The following LHPP variants were observed in gnomAD, a reference collection of about 807,000 sequenced individuals.
LHPP encodes phospholysine phosphohistidine inorganic pyrophosphate phosphatase.
A neutral mutation model predicts 30.3 loss-of-function variants in LHPP; 24 were observed. The observed-to-expected ratio is 0.79, with a 90% CI of 0.57 to 1.11. LHPP has a LOEUF of 1.11. LHPP is among the 50% of genes most tolerant of loss of function. The pLI is 0.00. For synonymous variants in LHPP, 150 were observed against 157.1 expected, an observed-to-expected ratio of 0.95 and a Z score of 0.34; for missense variants, 356 against 367.2, an observed-to-expected ratio of 0.97 and a Z score of 0.25.
chr10:124,541,858 C>T lies in LHPP; in HGVS notation c.716+24587C>T, dbSNP rs79907029. Among the ~76,000 whole-genome samples, 2 of 152,110 alleles carry T rather than the reference C, an allele frequency of 1.3e-5. No individual in the cohort carries two copies. The highest frequency in any genetic ancestry group is 2.9e-5 in the Non-Finnish European group (2 of 67,994). On this transcript the variant is annotated intron_variant, in intron 6 of 6. Transcript: ENST00000368842. This position sits in a 1 kb window ranked among gnomAD's most constrained non-coding sequence, Gnocchi z 4.2. ...CCCAGATGGGGTGACCTTTCCTTCA[C>T]CCCTACTTCCCCACTGCAAGGGTGC... is the stretch of plus-strand genomic sequence containing the variant.
At position 124,497,006 on chromosome 10, in the gene LHPP, C is replaced by T; in HGVS notation, c.513C>T (p.Pro171=). ...ETSGLMLDVG[P]YMKALEYACG... Reference sequence around the variant, plus strand: ...CTGGCCTGATGCTGGACGTTGGTCCCTACATGAAGGCGCTTGAGGTACCAG... The same window carrying T: ...CTGGCCTGATGCTGGACGTTGGTCCTTACATGAAGGCGCTTGAGGTACCAG... The change falls in exon 4 of 7, where the codon CCC becomes CCT. Residue 171 remains proline (P), a synonymous_variant. Transcript: ENST00000368842. 1 of 1,614,088 alleles carries T rather than the reference C, an allele frequency of 6.2e-7. No homozygotes were observed. The highest frequency in any genetic ancestry group is 1.1e-5 in the South Asian group (1 of 91,084).
At chr10:124,551,026 G>A (rs185525617) in intron 6 of LHPP, among the ~76,000 whole-genome samples, 7 of 152,170 alleles carry the variant, frequency 4.6e-5, no homozygotes, top group Admixed American at 2.0e-4. Context: ...CGGTCTCTGC[G>A]TGCCTGTTTC....
Position 124,576,029 on chromosome 10 carries a change from A to C in LHPP, c.717-37235A>C, listed in dbSNP as rs1451311204. Among the ~76,000 whole-genome samples, 1 of 152,152 alleles carries C rather than the reference A, an allele frequency of 6.6e-6. No homozygotes were observed. The highest frequency in any genetic ancestry group is 1.5e-5 in the Non-Finnish European group (1 of 68,012). ...CATACTAATCAGTGCTTCATGAGAAAGGTATGAGCCGAAAGAAATGGGGGT... is the reference window on the plus strand; with the variant it reads ...CATACTAATCAGTGCTTCATGAGAACGGTATGAGCCGAAAGAAATGGGGGT... On this transcript the variant is annotated intron_variant, in intron 6 of 6. Coordinates refer to ENST00000368842, the MANE Select transcript of LHPP (RefSeq NM_022126.4). This position sits in a 1 kb window ranked among gnomAD's most constrained non-coding sequence, Gnocchi z 4.2.
chr10:124,569,259 T>TG (rs1948545671), intron 6 of LHPP, among the ~76,000 whole-genome samples: 1 of 151,908 alleles, frequency 6.6e-6, no homozygotes, highest in Non-Finnish European at 1.5e-5. Context: ...CTAGCAAAAG[T>TG]GGGGATTTTT....
chr10:124,546,477 A>C (rs2133951986), intron 6 of LHPP, among the ~76,000 whole-genome samples: 1 of 152,262 alleles, frequency 6.6e-6, no homozygotes, highest in East Asian at 1.9e-4. Flanking sequence ...ATCTCGGCTC[A>C]CTGCAAGCTC....
chr10:124,532,767 A>G (rs7919418), intron 6 of LHPP, among the ~76,000 whole-genome samples: 88,879 of 152,116 alleles, frequency 0.58, 26,406 homozygotes, highest in South Asian at 0.72. Context: ...CTCACCCAGC[A>G]TCACCCAGCT....
intron 5 of LHPP, among the ~76,000 whole-genome samples, chr10:124,505,776 G>A (rs1954043255): frequency 6.6e-6 from 1 of 152,154 alleles, no homozygotes; most frequent in African/African-American, 2.4e-5. Context: ...AAGTTCTGTG[G>A]GATGCAAATC....
intron 6 of LHPP, among the ~76,000 whole-genome samples, chr10:124,571,146 G>A (rs1370760800): frequency 1.3e-5 from 2 of 152,202 alleles, no homozygotes; most frequent in Non-Finnish European, 2.9e-5. Flanking sequence ...ACGTGGAACT[G>A]TAAGTGCATT....
At chr10:124,605,322 TG>T (rs3832701) in intron 6 of LHPP, 32,269 of 152,042 alleles carry the variant, frequency 0.21, 4,015 homozygotes, top group Admixed American at 0.27. Flanking sequence ...GTCAGGCCTG[TG>T]GGGGGGACCA....
chr10:124,535,102 G>A (rs912120765), intron 6 of LHPP, among the ~76,000 whole-genome samples: 6 of 152,164 alleles, frequency 3.9e-5, no homozygotes, highest in African/African-American at 9.7e-5. Context: ...TGTGTGTGGC[G>A]ATAGCAACAT....
chr10:124,524,001 G>A (rs941261657), intron 6 of LHPP, among the ~76,000 whole-genome samples: 1 of 152,172 alleles, frequency 6.6e-6, no homozygotes, highest in Non-Finnish European at 1.5e-5. Flanking sequence ...GAGGTCACAC[G>A]GAGTGGGACC....
chr10:124,593,793 C>T lies in LHPP; in HGVS notation c.717-19471C>T, dbSNP rs894377872. Among the ~76,000 whole-genome samples, 8 of 152,250 alleles carry T rather than the reference C, an allele frequency of 5.3e-5. No homozygotes were observed. The highest frequency in any genetic ancestry group is 1.9e-4 in the East Asian group (1 of 5,200). Reference sequence around the variant, plus strand: ...GTTTTGCCGGCGCCAGGGGCTCCCTCGGCTGACCGAGGGTGTCCCTTACTC... The same window carrying T: ...GTTTTGCCGGCGCCAGGGGCTCCCTTGGCTGACCGAGGGTGTCCCTTACTC... On this transcript the variant is annotated intron_variant, in intron 6 of 6. Transcript: ENST00000368842. The surrounding 1 kb of genome is among the most constrained non-coding windows in gnomAD (Gnocchi z 4.9).
intron 5 of LHPP, chr10:124,498,605 AC>A: frequency 1.3e-6 from 1 of 764,208 alleles, no homozygotes; most frequent in Non-Finnish European, 2.1e-6. Context: ...GTCTACACCT[AC>A]CCCAACCCTA....
intron 6 of LHPP, among the ~76,000 whole-genome samples, chr10:124,591,444 T>C (rs2134001816): frequency 6.6e-6 from 1 of 152,062 alleles, no homozygotes; most frequent in East Asian, 1.9e-4. Context: ...ACCCCTGGGC[T>C]GTCCCCCCGA....
chr10:124,601,434 C>T (rs932317051), intron 6 of LHPP, among the ~76,000 whole-genome samples: 5 of 152,150 alleles, frequency 3.3e-5, no homozygotes, highest in African/African-American at 1.2e-4. Flanking sequence ...CTGAGACAGG[C>T]GGGTGAGCAC....
At chr10:124,602,156 C>T (rs748942196) in intron 6 of LHPP, among the ~76,000 whole-genome samples, 1 of 152,202 alleles carries the variant, frequency 6.6e-6, no homozygotes, top group African/African-American at 2.4e-5. Context: ...GATCTGCTGA[C>T]GTGAGCCCAG....
chr10:124,527,566 G>A (rs148971418), intron 6 of LHPP, among the ~76,000 whole-genome samples: 1 of 152,248 alleles, frequency 6.6e-6, no homozygotes, highest in Non-Finnish European at 1.5e-5. Context: ...CCCAGGCCCA[G>A]CCTGGTAGCC....
At chr10:124,551,569 G>A (rs1024701097) in intron 6 of LHPP, among the ~76,000 whole-genome samples, 1 of 152,182 alleles carries the variant, frequency 6.6e-6, no homozygotes, top group African/African-American at 2.4e-5. Flanking sequence ...GTGGTGGGAG[G>A]CCATCCTCAG....
At chr10:124,527,943 C>A in intron 6 of LHPP, among the ~76,000 whole-genome samples, 1 of 152,068 alleles carries the variant, frequency 6.6e-6, no homozygotes, top group East Asian at 1.9e-4. Context: ...CCACGCCCAA[C>A]TAATTTTTAA....
Sources: gnomAD v4.1 joint callset for allele counts (sites outside exome capture counted in the v4.1 genomes callset) on GRCh38, gnomAD v4.1.1 for gene constraint, Gnocchi (gnomAD v3.1) non-coding constraint, MANE v1.5 for transcripts, NCBI Gene and HGNC (gene_info 2026-07-23, HGNC 2026-07-21) for gene names.